OPA1: variants seen among roughly 807,000 people sequenced by gnomAD.
OPA1 encodes the protein OPA1 mitochondrial dynamin like GTPase.
OPA1 carries 59 observed loss-of-function variants against 152.9 expected under a neutral mutation model. The observed-to-expected ratio is 0.39, with a 90% CI of 0.31 to 0.48. The LOEUF is 0.48. OPA1 is among the 20% of genes least tolerant of loss of function. The probability of loss-of-function intolerance (pLI) is 0.96; values close to 1 mark genes in which losing one functional copy is unlikely to be tolerated. For missense variants in OPA1, 1,008 were observed against 1,216.8 expected (o/e 0.83, Z 2.55); for synonymous variants, 400 against 389.9 (o/e 1.03, Z -0.31).
intron 29 of OPA1, among the ~76,000 whole-genome samples, chr3:193,678,271 C>A (rs901348483): frequency 7.3e-5 from 11 of 150,886 alleles, no homozygotes; most frequent in African/African-American, 2.7e-4. Context: ...ACAGATCTGT[C>A]TTTAGACTGA....
At position 193,617,964 on chromosome 3, in the gene OPA1, A is replaced by G. The variant is rs281805; in HGVS notation, c.610+127A>G. The G allele has an allele frequency of 6.9e-3, 4,898 of 705,636 alleles. 15 individuals carry two copies. The highest frequency in any genetic ancestry group is 9.3e-3 in the Non-Finnish European group (3,614 of 389,590). The allele number at this position is 705,636 out of a possible 1,614,324, so 43.7% of individuals were successfully genotyped here. ...TGCTGAATTTTAAAACCCCAGAACT[A>G]TATTAGGCAAACTCATTATCCTTTA... On this transcript the variant is annotated intron_variant, in intron 5 of 30. Transcript: ENST00000361510.
At chr3:193,596,102 C>T (rs1209916314) in intron 1 of OPA1, among the ~76,000 whole-genome samples, 3 of 151,964 alleles carry the variant, frequency 2.0e-5, no homozygotes, top group Non-Finnish European at 4.4e-5. Flanking sequence ...TTTTGTTCAT[C>T]CCACGGGATG....
chr3:193,655,721 C>T (rs1240523720), intron 22 of OPA1, among the ~76,000 whole-genome samples: 1 of 152,144 alleles, frequency 6.6e-6, no homozygotes, highest in African/African-American at 2.4e-5. Context: ...ATGGTAACTG[C>T]TCAGGGAATG....
At chr3:193,674,329 T>G (rs1323069899) in intron 29 of OPA1, among the ~76,000 whole-genome samples, 5 of 152,208 alleles carry the variant, frequency 3.3e-5, no homozygotes, top group Admixed American at 2.0e-4. Flanking sequence ...GAAAGTTTCT[T>G]TTTTCAGTAA....
intron 20 of OPA1, chr3:193,648,470 A>G (rs1577260642): frequency 2.7e-6 from 1 of 368,202 alleles, no homozygotes; most frequent in Non-Finnish European, 4.9e-6. Flanking sequence ...TAAAATCCCC[A>G]TTAGTTAATA....
At position 193,667,166 on chromosome 3, in the gene OPA1, A is replaced by G. The variant is rs770136355; in HGVS notation, c.2873-4A>G. 1 of 1,447,380 alleles carries G rather than the reference A, an allele frequency of 6.9e-7. No individual in the cohort carries two copies. 89.7% of individuals were successfully genotyped at this position (1,447,380 alleles called of 1,614,324 possible). On this transcript the variant is annotated splice_polypyrimidine_tract_variant and splice_region_variant and intron_variant, in intron 28 of 30. Transcript: ENST00000361510. Reference sequence around the variant, plus strand: ...CCTCAGGTTTTTTAACTTTCTTTAAACAGTTAGGCGATTAGAGAAAAATGT... The same window carrying G: ...CCTCAGGTTTTTTAACTTTCTTTAAGCAGTTAGGCGATTAGAGAAAAATGT...
At chr3:193,672,504 C>T (rs1718145875) in intron 29 of OPA1, among the ~76,000 whole-genome samples, 1 of 152,084 alleles carries the variant, frequency 6.6e-6, no homozygotes, top group Admixed American at 6.5e-5. Flanking sequence ...ATTCTCTGTG[C>T]GTGTAATCAG....
At chr3:193,625,377 A>G (rs888804987) in intron 6 of OPA1, among the ~76,000 whole-genome samples, 6 of 152,098 alleles carry the variant, frequency 3.9e-5, no homozygotes, top group African/African-American at 1.4e-4. Flanking sequence ...TTTGTTTAGT[A>G]ATTTGTATAT....
chr3:193,680,025 T>G (rs1719879435), intron 29 of OPA1, among the ~76,000 whole-genome samples: 1 of 152,250 alleles, frequency 6.6e-6, no homozygotes, highest in Non-Finnish European at 1.5e-5. Context: ...CATGAATACC[T>G]GTTCTTCTTG....
At chr3:193,609,709 C>A (rs1281385627) in intron 1 of OPA1, among the ~76,000 whole-genome samples, 1 of 152,134 alleles carries the variant, frequency 6.6e-6, no homozygotes, top group African/African-American at 2.4e-5. Flanking sequence ...TCACATAGTC[C>A]CATATTTCTT....
intron 29 of OPA1, among the ~76,000 whole-genome samples, chr3:193,669,890 G>A (rs972032664): frequency 5.3e-5 from 8 of 152,170 alleles, no homozygotes; most frequent in Admixed American, 5.2e-4. Context: ...GTTTTCCTGA[G>A]AAAGCAGTCA....
chr3:193,685,906 A>T (rs1720875090), intron 29 of OPA1, among the ~76,000 whole-genome samples: 2 of 152,244 alleles, frequency 1.3e-5, no homozygotes, highest in Admixed American at 1.3e-4. Context: ...ACTGTGACTT[A>T]TCCAGTTATG....
intron 3 of OPA1, among the ~76,000 whole-genome samples, chr3:193,616,903 T>G (rs1272598245): frequency 6.6e-6 from 1 of 152,184 alleles, no homozygotes; most frequent in African/African-American, 2.4e-5. Context: ...CTTCTAATAT[T>G]AATGAGGAGA....
In OPA1 at chr3:193,624,018, C is replaced by A. The variant is rs567188075; in HGVS notation, c.679-2074C>A. 3.9e-5 allele frequency among the ~76,000 whole-genome samples: 6 copies of A among 152,196 alleles called. No individual in the cohort carries two copies. In the South Asian group the frequency reaches 1.2e-3, roughly 32 times the overall value. The stretch of plus-strand genomic sequence containing the variant: ...TACATAATAGTGCTTTAGTAACAGG[C>A]ATGGAAGGAAAGAGACATGTCCCTA... On this transcript the variant is annotated intron_variant, in intron 6 of 30. Coordinates refer to ENST00000361510, the MANE Select transcript of OPA1 (RefSeq NM_130837.3).
At chr3:193,654,793 T>TTCAGTCAAGC in intron 21 of OPA1, 69 bp from the exon 22 acceptor site, 1 of 1,481,426 alleles carries the variant, frequency 6.8e-7, no homozygotes, top group South Asian at 1.2e-5. Flanking sequence ...TTAATGATAC[T>TTCAGTCAAGC]TCAGTCAAGC....
intron 29 of OPA1, among the ~76,000 whole-genome samples, chr3:193,677,897 C>T (rs1041897772): frequency 2.6e-5 from 4 of 152,176 alleles, no homozygotes; most frequent in African/African-American, 7.2e-5. Context: ...ACTGCATGGT[C>T]GTTGCTCATC....
intron 5 of OPA1, among the ~76,000 whole-genome samples, chr3:193,618,312 A>C (rs1459772344): frequency 6.6e-6 from 1 of 151,956 alleles, no homozygotes; most frequent in Non-Finnish European, 1.5e-5. Flanking sequence ...CCCCATCTCT[A>C]CTAAAAATAC....
chr3:193,613,359 A>T (rs1577150947), intron 1 of OPA1, among the ~76,000 whole-genome samples: 1 of 44,634 alleles, frequency 2.2e-5, no homozygotes, highest in African/African-American at 8.0e-5. Flanking sequence ...AACAATACTT[A>T]AAAAAAAAAT....
chr3:193,657,373 G>GTAATCTGC (rs1189774784), intron 23 of OPA1, 141 bp downstream of exon 23: 13 of 801,544 alleles, frequency 1.6e-5, no homozygotes, highest in Admixed American at 2.4e-5. Flanking sequence ...TTTATGATCT[G>GTAATCTGC]TAATCTGCCC....
Sources: allele counts gnomAD v4.1 joint callset (sites outside exome capture counted in the v4.1 genomes callset), GRCh38; gene constraint gnomAD v4.1.1; transcripts MANE v1.5; gene names NCBI Gene and HGNC (gene_info 2026-07-23, HGNC 2026-07-21).